CNTNAP3: variants seen among roughly 807,000 people sequenced by gnomAD.
CNTNAP3 encodes contactin-associated protein-like 3.
In CNTNAP3, 36 loss-of-function variants were observed where a neutral mutation model predicts 92.1. The ratio of observed to expected loss-of-function variants is 0.39; its 90% confidence interval spans 0.30 to 0.52. The LOEUF is 0.52. Ranked by LOEUF, CNTNAP3 falls within the 20% of genes least tolerant of loss-of-function variation. The pLI, the probability that CNTNAP3 is intolerant of heterozygous loss-of-function variation, is 0.76. For synonymous variants in CNTNAP3, 232 were observed against 422.3 expected, an observed-to-expected ratio of 0.55 and a Z score of 5.53; for missense variants, 534 against 1,069.6, an observed-to-expected ratio of 0.50 and a Z score of 6.98.
chr9:39,134,334 C>T (rs1216288778), intron 12 of CNTNAP3, among the ~76,000 whole-genome samples: 1 of 151,986 alleles, frequency 6.6e-6, no homozygotes, highest in Admixed American at 6.5e-5. Context: ...CTGTACTCAC[C>T]AAAGGAGGCT....
rs999833210 is a variant in CNTNAP3 at position 39,069,137 on chromosome 9, T to C, written c.*4753A>G. On this transcript the variant is annotated 3_prime_UTR_variant, in exon 24 of 24. Transcript: ENST00000297668. ...TGCAGATTAAGATGAACATTGTAGATTGGAGCATATTATGGGAGCAAGGCA... is the reference window on the plus strand; with the variant it reads ...TGCAGATTAAGATGAACATTGTAGACTGGAGCATATTATGGGAGCAAGGCA... Among the ~76,000 whole-genome samples the C allele has an allele frequency of 2.6e-5, 4 of 152,228 alleles. No individual in the cohort carries two copies. The highest frequency in any genetic ancestry group is 4.8e-5 in the African/African-American group (2 of 41,458).
chr9:39,087,711 T>C (rs7047558), intron 19 of CNTNAP3, among the ~76,000 whole-genome samples: 2,330 of 151,354 alleles, frequency 0.015, 32 homozygotes, highest in Middle Eastern at 0.024. Flanking sequence ...TGGTCTCGAT[T>C]TCCTGACCTC....
intron 18 of CNTNAP3, 53 bp downstream of exon 18, chr9:39,099,858 G>A (rs878967047): frequency 8.2e-6 from 13 of 1,586,160 alleles, no homozygotes; most frequent in South Asian, 1.1e-5. Flanking sequence ...CATTCTTCAT[G>A]TTATTTAAGT....
At chr9:39,248,524 AATAT>A (rs775541206) in intron 2 of CNTNAP3, among the ~76,000 whole-genome samples, 1 of 36,934 alleles carries the variant, frequency 2.7e-5, no homozygotes, top group African/African-American at 9.1e-5. Context: ...TGTTGCTATG[AATAT>A]ATATATATAT....
rs773389539 is a variant in CNTNAP3, at chr9:39,133,029, C to T, written c.1983G>A (p.Ala661=). The change falls in exon 13 of 24, where the codon GCG becomes GCA. Residue 661 remains alanine (A), a synonymous_variant. Transcript: ENST00000297668. ...PRSAVSFAYA[A]GAGQLRSAVN... ...CCGCGGACCGCAGCTGCCCCGCGCC[C>T]GCTGCGTACGCGAAGGACACAGCCG... The T allele has an allele frequency of 3.1e-5, 48 of 1,544,094 alleles. No individual in the cohort carries two copies. Among genetic ancestry groups the T allele is most frequent in the Admixed American group, 9.8e-5 (5 of 51,246 alleles).
In CNTNAP3 at chr9:39,066,618, G is replaced by T. The variant is rs1825514731; in HGVS notation, c.*7272C>A. 6.6e-6 allele frequency among the ~76,000 whole-genome samples: 1 copy of T among 152,256 alleles called. No homozygotes were observed. The highest frequency in any genetic ancestry group is 1.9e-4 in the East Asian group (1 of 5,200). On this transcript the variant is annotated 3_prime_UTR_variant, in exon 24 of 24. Transcript: ENST00000297668. ...TCATCCTTTCTTGAAAGACGGTTTTGCTGGGTATAGAAACCTAGGAGAGAG... is the reference window on the plus strand; with the variant it reads ...TCATCCTTTCTTGAAAGACGGTTTTTCTGGGTATAGAAACCTAGGAGAGAG...
chr9:39,102,353 G>GAACC, intron 17 of CNTNAP3, 144 bp downstream of exon 17: 1 of 1,374,766 alleles, frequency 7.3e-7, no homozygotes, highest in Non-Finnish European at 1.0e-6. Context: ...CAAGCTCCTG[G>GAACC]AACCTACCAG....
rs1388564897 is a variant in CNTNAP3, at chr9:39,069,279, A to G, written c.*4611T>C. ...AGTGAAGGCCTTTGTGAATTTTGCA[A>G]AAATGGGGACAATTATATGTTTTAC... On this transcript the variant is annotated 3_prime_UTR_variant, in exon 24 of 24. Coordinates refer to ENST00000297668, the MANE Select transcript of CNTNAP3 (RefSeq NM_033655.5). Among the ~76,000 whole-genome samples, 5 of 152,344 alleles carry G rather than the reference A, an allele frequency of 3.3e-5. No homozygotes were observed. The highest frequency in any genetic ancestry group is 3.4e-3 in the Middle Eastern group (1 of 294).
At chr9:39,132,870 C>G (rs1165392359) in intron 13 of CNTNAP3, 62 bp downstream of exon 13, 18 of 1,485,718 alleles carry the variant, frequency 1.2e-5, no homozygotes, top group Non-Finnish European at 1.6e-5. Context: ...AAACGCATCT[C>G]GCAGCCCGAG....
chr9:39,135,911 C>T (rs1242220596), intron 12 of CNTNAP3, among the ~76,000 whole-genome samples: 6 of 151,952 alleles, frequency 3.9e-5, no homozygotes, highest in Admixed American at 6.6e-5. Context: ...AGGCAGATTA[C>T]GAGGTCAGGA....
intron 21 of CNTNAP3, among the ~76,000 whole-genome samples, chr9:39,084,197 T>G (rs1273986336): frequency 1.6e-5 from 2 of 122,032 alleles, no homozygotes; most frequent in African/African-American, 2.9e-5. Flanking sequence ...TCACCAAGTT[T>G]TTTTTTTTTT....
intron 14 of CNTNAP3, among the ~76,000 whole-genome samples, chr9:39,117,506 C>T (rs10974148): frequency 0.15 from 22,720 of 152,122 alleles, 2,245 homozygotes; most frequent in East Asian, 0.2. Context: ...CAAAGGAAAG[C>T]TTACAAAATA....
intron 9 of CNTNAP3, among the ~76,000 whole-genome samples, chr9:39,161,568 C>A (rs1822071998): frequency 1.0e-5 from 1 of 97,950 alleles, no homozygotes; most frequent in Non-Finnish European, 2.0e-5. Context: ...ATAATCCCAA[C>A]ACTTTGGGAG....
At chr9:39,124,934 G>A (rs1331786875) in intron 13 of CNTNAP3, among the ~76,000 whole-genome samples, 1 of 152,106 alleles carries the variant, frequency 6.6e-6, no homozygotes, top group African/African-American at 2.4e-5. Context: ...TTCAACCATT[G>A]TGGAAGACAG....
intron 14 of CNTNAP3, among the ~76,000 whole-genome samples, chr9:39,114,684 T>C (rs908460491): frequency 2.6e-5 from 4 of 152,046 alleles, no homozygotes; most frequent in Non-Finnish European, 5.9e-5. Flanking sequence ...ATGAACAGAG[T>C]TTACTCATAT....
chr9:39,108,974 C>T (rs1488050232), intron 15 of CNTNAP3, among the ~76,000 whole-genome samples, 186 bp downstream of exon 15: 1 of 152,082 alleles, frequency 6.6e-6, no homozygotes, highest in Non-Finnish European at 1.5e-5. Flanking sequence ...TAAACTAATG[C>T]TTCAGTAAGG....
chr9:39,117,037 G>A (rs1820875417), intron 14 of CNTNAP3, among the ~76,000 whole-genome samples: 1 of 151,866 alleles, frequency 6.6e-6, no homozygotes, highest in Admixed American at 6.6e-5. Flanking sequence ...CTGTCGCCCA[G>A]GCTGGAGTGC....
Position 39,109,143 on chromosome 9 carries a change from T to C in CNTNAP3, c.2365+17A>G. The C allele has an allele frequency of 2.5e-6, 4 of 1,601,304 alleles. No individual in the cohort carries two copies. Among genetic ancestry groups the C allele is most frequent in the Non-Finnish European group, 3.4e-6 (4 of 1,176,402 alleles). ...AAAGTTATTATGAAAATAAAGCTTT[T>C]TCTTGACACTACTTACGATCTCCGC... On this transcript the variant is annotated intron_variant, in intron 15 of 23. Coordinates refer to ENST00000297668, the MANE Select transcript of CNTNAP3 (RefSeq NM_033655.5).
intron 10 of CNTNAP3, among the ~76,000 whole-genome samples, chr9:39,147,333 A>T (rs141423762): frequency 0.15 from 22,594 of 151,906 alleles, 2,146 homozygotes; most frequent in East Asian, 0.21. Flanking sequence ...CAGGATACTT[A>T]AAAGTGAATT....
Sources: gnomAD v4.1 joint callset for allele counts (sites outside exome capture counted in the v4.1 genomes callset) on GRCh38, gnomAD v4.1.1 for gene constraint, MANE v1.5 for transcripts, NCBI Gene and HGNC (gene_info 2026-07-23, HGNC 2026-07-21) for gene names.